Variants in MAD1L1 observed in about 807,000 individuals in gnomAD.
MAD1L1 encodes mitotic spindle assembly checkpoint protein MAD1.
Under a neutral mutation model 96.9 loss-of-function variants are expected in MAD1L1, and 95 were observed. The ratio of observed to expected loss-of-function variants is 0.98; its 90% CI spans 0.83 to 1.16. MAD1L1 has a LOEUF of 1.16. Ranked by LOEUF, MAD1L1 falls within the 50% of genes most tolerant of loss-of-function variation. MAD1L1 has a pLI of 0.00. For synonymous variants in MAD1L1, 473 were observed against 396.6 expected (o/e 1.19, Z -2.29); for missense variants, 1,007 against 954.4 (o/e 1.06, Z -0.73).
intron 11 of MAD1L1, among the ~76,000 whole-genome samples, chr7:2,109,118 C>T (rs1162340400): frequency 6.6e-6 from 1 of 152,252 alleles, no homozygotes; most frequent in Non-Finnish European, 1.5e-5. Context: ...TTCGGATTCC[C>T]ATCAGAGGAC....
chr7:1,964,403 C>T (rs1485452356), intron 15 of MAD1L1, among the ~76,000 whole-genome samples: 2 of 152,236 alleles, frequency 1.3e-5, no homozygotes, highest in Admixed American at 1.3e-4. Context: ...ACCCTCGCCG[C>T]CAGACAGCAA....
intron 11 of MAD1L1, among the ~76,000 whole-genome samples, chr7:2,138,607 C>T (rs148064936): frequency 3.5e-3 from 527 of 152,304 alleles, no homozygotes; most frequent in Non-Finnish European, 6.3e-3. Flanking sequence ...GGGCCTCCCC[C>T]GCTCTCAAGG....
At chr7:2,185,696 T>A (rs1175803283) in intron 10 of MAD1L1, among the ~76,000 whole-genome samples, 1 of 152,200 alleles carries the variant, frequency 6.6e-6, no homozygotes, top group Admixed American at 6.5e-5. Flanking sequence ...GAGACCATTT[T>A]AATCCTGGGA....
chr7:2,147,724 G>C (rs552521182), intron 11 of MAD1L1, among the ~76,000 whole-genome samples: 1 of 152,372 alleles, frequency 6.6e-6, no homozygotes, highest in East Asian at 1.9e-4. Context: ...CCACTGTAGA[G>C]GCTGCTCCCT....
chr7:2,014,434 G>A (rs937650078), intron 13 of MAD1L1, 68 bp downstream of exon 13: 11 of 1,487,372 alleles, frequency 7.4e-6, no homozygotes, highest in Non-Finnish European at 9.8e-6. Flanking sequence ...CCCGCCGCAG[G>A]CTCTGCCAAG....
chr7:1,875,280 C>T (rs1288295996), intron 18 of MAD1L1, among the ~76,000 whole-genome samples: 1 of 152,170 alleles, frequency 6.6e-6, no homozygotes, highest in African/African-American at 2.4e-5. Context: ...CAGCTGAGTA[C>T]CGGATAGGAC....
intron 16 of MAD1L1, among the ~76,000 whole-genome samples, chr7:1,951,594 C>T (rs1436401217): frequency 6.6e-6 from 1 of 152,182 alleles, no homozygotes; most frequent in East Asian, 1.9e-4. Context: ...CTCTCCATTC[C>T]CCTGCCCCAG....
chr7:1,974,777 G>A (rs185780251), intron 15 of MAD1L1, among the ~76,000 whole-genome samples: 1 of 152,404 alleles, frequency 6.6e-6, no homozygotes, highest in East Asian at 1.9e-4. Context: ...GACGCCAGAA[G>A]GAAAGGCCTG....
chr7:2,090,496 G>A lies in MAD1L1; in HGVS notation c.1074-21158C>T, dbSNP rs763211657. Among the ~76,000 whole-genome samples the A allele has an allele frequency of 2.3e-4, 35 of 152,338 alleles. 2 individuals are homozygous for A. The Middle Eastern group carries it at 0.01, about 44-fold the overall frequency. On this transcript the variant is annotated intron_variant, in intron 11 of 18. Transcript: ENST00000265854. Reference sequence around the variant, plus strand: ...AGTGCAAGCACTGGAACGGTGTCACGAACGGACCTGGGACTCTGCCTGGAC... The same window carrying A: ...AGTGCAAGCACTGGAACGGTGTCACAAACGGACCTGGGACTCTGCCTGGAC...
chr7:1,927,772 CAG>C (rs1023739334), intron 17 of MAD1L1, among the ~76,000 whole-genome samples: 3 of 152,202 alleles, frequency 2.0e-5, no homozygotes, highest in African/African-American at 4.8e-5. Context: ...TGGAGTTATG[CAG>C]AGAGTTTCTG....
intron 10 of MAD1L1, among the ~76,000 whole-genome samples, chr7:2,179,029 T>C (rs958541638): frequency 7.9e-5 from 12 of 152,196 alleles, no homozygotes; most frequent in Non-Finnish European, 1.2e-4. Flanking sequence ...TAAGAGCCTA[T>C]GGAAGTTCAC....
intron 5 of MAD1L1, among the ~76,000 whole-genome samples, chr7:2,220,399 G>C (rs73041378): frequency 0.034 from 5,111 of 152,336 alleles, 131 homozygotes; most frequent in South Asian, 0.068. Context: ...CTCTGGAAAA[G>C]CTCAGAAAAC....
intron 12 of MAD1L1, among the ~76,000 whole-genome samples, chr7:2,030,734 C>G (rs1783188942): frequency 6.6e-6 from 1 of 152,208 alleles, no homozygotes; most frequent in Non-Finnish European, 1.5e-5. Flanking sequence ...CACCAATGAC[C>G]AGGTTTTGAA....
intron 10 of MAD1L1, among the ~76,000 whole-genome samples, chr7:2,182,666 G>C (rs1791256823): frequency 6.6e-6 from 1 of 152,194 alleles, no homozygotes; most frequent in Non-Finnish European, 1.5e-5. Flanking sequence ...CCACAGGGTA[G>C]ACGCCCCTTG....
intron 12 of MAD1L1, among the ~76,000 whole-genome samples, chr7:2,025,604 T>C (rs189229293): frequency 8.5e-5 from 13 of 152,152 alleles, no homozygotes; most frequent in African/African-American, 1.9e-4. Flanking sequence ...GAGATACAGG[T>C]TGCAACACAG....
At chr7:1,933,656 G>C (rs919287063) in intron 17 of MAD1L1, among the ~76,000 whole-genome samples, 1 of 152,230 alleles carries the variant, frequency 6.6e-6, no homozygotes, top group Non-Finnish European at 1.5e-5. Flanking sequence ...GAGGCTCCCA[G>C]GGAGGCAGCG....
intron 18 of MAD1L1, among the ~76,000 whole-genome samples, chr7:1,827,576 C>G (rs12533429): frequency 0.096 from 2,857 of 29,846 alleles, 150 homozygotes; most frequent in Non-Finnish European, 0.1. Flanking sequence ...CCGGGTGTGG[C>G]ATCCTCCCCT....
intron 7 of MAD1L1, among the ~76,000 whole-genome samples, chr7:2,217,578 A>C (rs775028744): frequency 6.6e-6 from 1 of 152,166 alleles, no homozygotes; most frequent in Admixed American, 6.5e-5. Context: ...CTCCGCAGGG[A>C]AATGGCACAG....
At chr7:1,816,812 A>T (rs887014956) in intron 18 of MAD1L1, among the ~76,000 whole-genome samples, 7 of 151,976 alleles carry the variant, frequency 4.6e-5, no homozygotes, top group African/African-American at 1.2e-4. Context: ...AGGTCTGAGC[A>T]AGCTGCTGTG....
Sources: allele counts gnomAD v4.1 joint callset (sites outside exome capture counted in the v4.1 genomes callset), GRCh38; gene constraint gnomAD v4.1.1; transcripts MANE v1.5; gene names NCBI Gene and HGNC (gene_info 2026-07-23, HGNC 2026-07-21).